IFT81: variants seen among roughly 807,000 people sequenced by gnomAD.
The protein encoded by IFT81 is intraflagellar transport protein 81 homolog.
A neutral mutation model predicts 102.6 loss-of-function variants in IFT81; 72 were observed. The observed-to-expected ratio is 0.70, with a 90% CI of 0.58 to 0.85. The LOEUF (loss-of-function observed/expected upper bound fraction) is 0.85, where lower values mean the gene tolerates loss of function less well. IFT81 is among the 40% of genes least tolerant of loss of function. The pLI, the probability that IFT81 is intolerant of heterozygous loss-of-function variation, is 0.00. For synonymous variants in IFT81, 237 were observed against 242.7 expected (o/e 0.98, Z 0.22); for missense variants, 723 against 787.3 (o/e 0.92, Z 0.98).
At chr12:110,216,745 C>T (rs1438589592) in intron 18 of IFT81, 6 of 386,570 alleles carry the variant, frequency 1.6e-5, no homozygotes, top group Admixed American at 3.1e-5. Context: ...AGGCTGGTCT[C>T]GAACTCCTGA....
chr12:110,185,524 G>A (rs1266945607), intron 12 of IFT81, among the ~76,000 whole-genome samples: 1 of 151,762 alleles, frequency 6.6e-6, no homozygotes, highest in Non-Finnish European at 1.5e-5. Flanking sequence ...GCCGTGTCCT[G>A]GGCAATGCAA....
At chr12:110,184,023 T>C (rs746729860) in intron 12 of IFT81, among the ~76,000 whole-genome samples, 42 of 152,160 alleles carry the variant, frequency 2.8e-4, no homozygotes, top group Non-Finnish European at 5.1e-4. Context: ...TTAAAGCCCT[T>C]AAGGAGGTTC....
At chr12:110,207,432 G>A (rs1448401967) in intron 17 of IFT81, among the ~76,000 whole-genome samples, 1 of 151,724 alleles carries the variant, frequency 6.6e-6, no homozygotes, top group African/African-American at 2.4e-5. Context: ...TCTTTTTATG[G>A]CTTAGGATTT....
At chr12:110,169,191 T>C (rs1392156694) in intron 11 of IFT81, 1 of 152,024 alleles carries the variant, frequency 6.6e-6, no homozygotes, top group Non-Finnish European at 1.5e-5. Flanking sequence ...AAGTCTCTAA[T>C]GAGCCTCCCT....
In IFT81 at chr12:110,190,922, A is replaced by G; in HGVS notation, c.1341A>G (p.Gln447=). 1 of 1,534,594 alleles carries G rather than the reference A, an allele frequency of 6.5e-7. No homozygotes were observed. Among genetic ancestry groups the G allele is most frequent in the South Asian group, 1.3e-5 (1 of 76,038 alleles). Residue 447 remains glutamine, a splice_region_variant and synonymous_variant, in exon 13 of 19, where the codon CAA becomes CAG. Coordinates refer to ENST00000242591, the MANE Select transcript of IFT81 (RefSeq NM_014055.4). The stretch of plus-strand genomic sequence containing the variant: ...GCCTTTTTATTTTTTACTTATAGCA[A>G]ACTATGGAGGAGAAAAAGGGTATAT... ...QRHENIQQQL[Q]TMEEKKGISG...
Position 110,153,713 on chromosome 12 carries a change from T to C in IFT81, c.1041+6665T>C, listed in dbSNP as rs1593306752. Among the ~76,000 whole-genome samples the C allele has an allele frequency of 6.3e-5, 9 of 141,856 alleles. No individual in the cohort carries two copies. In the East Asian group the frequency reaches 6.8e-4, roughly 11 times the overall value. 93.1% of individuals were successfully genotyped at this position (141,856 alleles called of 152,430 possible). ...GCAACCTCCGCCTCTCAGGTTTAAG[T>C]GATTCTCCTGCCTCAGCCTCCCGAG... is the stretch of plus-strand genomic sequence containing the variant. On this transcript the variant is annotated intron_variant, in intron 10 of 18. Coordinates refer to ENST00000242591, the MANE Select transcript of IFT81 (RefSeq NM_014055.4).
chr12:110,186,321 G>C (rs575547085), intron 12 of IFT81, among the ~76,000 whole-genome samples: 1 of 152,058 alleles, frequency 6.6e-6, no homozygotes, highest in Non-Finnish European at 1.5e-5. Flanking sequence ...TTCTATCTGT[G>C]TTTGGTTGTT....
At chr12:110,168,471 A>G (rs1403053992) in intron 11 of IFT81, 6 of 966,054 alleles carry the variant, frequency 6.2e-6, no homozygotes. Context: ...TCAACACATC[A>G]TCTGTTACTA....
intron 12 of IFT81, 138 bp from the exon 13 acceptor site, chr12:110,190,782 C>A: frequency 1.5e-6 from 1 of 666,040 alleles, no homozygotes; most frequent in Non-Finnish European, 2.3e-6. Flanking sequence ...TAATTGAAGT[C>A]AATGAAGATT....
Position 110,136,904 on chromosome 12 carries a change from A to G in IFT81, c.781+44A>G, listed in dbSNP as rs557848670. On this transcript the variant is annotated intron_variant, in intron 8 of 18. Transcript: ENST00000242591. ...ATGGTATAGATGATTAGAAAATATT[A>G]ATTTAAATCACGATCTTCCTAAAAA... 2.4e-5 allele frequency: 28 copies of G among 1,164,236 alleles called. No homozygotes were observed. In the Admixed American group the frequency reaches 3.5e-4, roughly 14 times the overall value. 72.1% of individuals were successfully genotyped at this position (1,164,236 alleles called of 1,614,324 possible).
intron 10 of IFT81, among the ~76,000 whole-genome samples, chr12:110,154,650 A>AGAAAG (rs1895739639): frequency 6.6e-6 from 1 of 151,848 alleles, no homozygotes; most frequent in South Asian, 2.1e-4. Flanking sequence ...AAAAAGAAAA[A>AGAAAG]GAAAGAAAGA....
intron 12 of IFT81, among the ~76,000 whole-genome samples, chr12:110,187,734 G>A (rs1897598521): frequency 6.6e-6 from 1 of 152,142 alleles, no homozygotes; most frequent in South Asian, 2.1e-4. Flanking sequence ...CCTTGATCAA[G>A]TTGAGGGTAG....
At chr12:110,157,449 TAA>T (rs1050927848) in intron 10 of IFT81, among the ~76,000 whole-genome samples, 2 of 152,338 alleles carry the variant, frequency 1.3e-5, no homozygotes, top group Admixed American at 1.3e-4. Flanking sequence ...ACATGAAGTT[TAA>T]AGAGAGAAGA....
chr12:110,148,255 C>T (rs1895332871), intron 10 of IFT81, among the ~76,000 whole-genome samples: 1 of 151,760 alleles, frequency 6.6e-6, no homozygotes, highest in Non-Finnish European at 1.5e-5. Flanking sequence ...CATTTGTTTC[C>T]CGTATTTCCT....
intron 17 of IFT81, among the ~76,000 whole-genome samples, chr12:110,208,806 T>C (rs1052609332): frequency 3.3e-5 from 5 of 152,220 alleles, no homozygotes; most frequent in Non-Finnish European, 5.9e-5. Flanking sequence ...TGCTACTTAA[T>C]GTTTATTTAA....
At chr12:110,135,154 C>G (rs1425104798) in intron 6 of IFT81, 141 bp downstream of exon 6, 4 of 760,374 alleles carry the variant, frequency 5.3e-6, no homozygotes, top group Non-Finnish European at 8.7e-6. Context: ...AAGGGAATCT[C>G]TCTAGACAGT....
intron 11 of IFT81, among the ~76,000 whole-genome samples, chr12:110,171,574 GA>G (rs1896730087): frequency 6.6e-6 from 1 of 152,118 alleles, no homozygotes; most frequent in African/African-American, 2.4e-5. Flanking sequence ...ATTTACAGTT[GA>G]AAATGTGCCA....
intron 3 of IFT81, among the ~76,000 whole-genome samples, chr12:110,128,483 C>T (rs1352330509): frequency 6.6e-6 from 1 of 151,060 alleles, no homozygotes; most frequent in Admixed American, 6.6e-5. Context: ...AACTAATGTA[C>T]AGACTGACTT....
rs1196707888 is a variant in IFT81 at position 110,132,600 on chromosome 12, C to A, written c.483C>A (p.Leu161=). Residue 161 remains leucine (L), a synonymous_variant, in exon 5 of 19, where the codon CTC becomes CTA. Coordinates refer to ENST00000242591, the MANE Select transcript of IFT81 (RefSeq NM_014055.4). The stretch of plus-strand genomic sequence containing the variant: ...CTTTGCATAAAGAATATGAGCAGCT[C>A]AAGATATCTGGATTTTCTACAGCAG... ...FKTLHKEYEQ[L]KISGFSTAEI... 2 of 1,581,998 alleles carry A rather than the reference C, an allele frequency of 1.3e-6. No individual in the cohort carries two copies. Among genetic ancestry groups the A allele is most frequent in the East Asian group, 4.5e-5 (2 of 44,332 alleles).
Sources: gnomAD v4.1 joint callset for allele counts (sites outside exome capture counted in the v4.1 genomes callset) on GRCh38, gnomAD v4.1.1 for gene constraint, MANE v1.5 for transcripts, NCBI Gene and HGNC (gene_info 2026-07-23, HGNC 2026-07-21) for gene names.